Variants in ARHGEF18 observed in about 807,000 individuals in gnomAD.
The protein encoded by ARHGEF18 is Rho/Rac guanine nucleotide exchange factor 18.
Under a neutral mutation model 155.7 loss-of-function variants are expected in ARHGEF18, and 93 were observed. That is an observed-to-expected ratio of 0.60 (90% confidence interval 0.50 to 0.71). The LOEUF is 0.71. ARHGEF18 is among the 30% of genes least tolerant of loss of function. The probability of loss-of-function intolerance (pLI) is 0.00; values close to 1 mark genes in which losing one functional copy is unlikely to be tolerated. For synonymous variants in ARHGEF18, 742 were observed against 753.1 expected (o/e 0.99, Z 0.24); for missense variants, 1,593 against 1,816.1 (o/e 0.88, Z 2.23).
chr19:7,456,284 C>T lies in ARHGEF18; in HGVS notation c.2105-43C>T, dbSNP rs115211558. 3.4e-3 allele frequency: 5,456 copies of T among 1,594,640 alleles called. 155 individuals are homozygous for T. In the African/African-American group the frequency reaches 0.064, roughly 19 times the overall value. On this transcript the variant is annotated intron_variant, in intron 17 of 28. Transcript: ENST00000668164. ...GGGGGTGGCCAGCAAGACCTCCTGG[C>T]TATGGGACTTTTAAGATGCATCCTT... is the stretch of plus-strand genomic sequence containing the variant.
intron 2 of ARHGEF18, among the ~76,000 whole-genome samples, chr19:7,367,365 A>G (rs940701087): frequency 1.3e-5 from 2 of 152,088 alleles, no homozygotes; most frequent in Non-Finnish European, 2.9e-5. Flanking sequence ...GCACTTTGGG[A>G]GGCCGAGGTG....
rs537429456 is a variant in ARHGEF18 at position 7,367,977 on chromosome 19, A to AAGAGAGAGAG, written c.16-4820_16-4811dup. ...CTGGAAAGAAGGAAGAAAGGAAAGA[A>AAGAGAGAGAG]AGAGAGAGAGAGAGAGAGAGAGAGG... On this transcript the variant is annotated intron_variant, in intron 2 of 28. Transcript: ENST00000668164. 3.8e-3 allele frequency among the ~76,000 whole-genome samples: 252 copies of AAGAGAGAGAG among 66,774 alleles called. 4 individuals are homozygous for AAGAGAGAGAG. Among genetic ancestry groups the AAGAGAGAGAG allele is most frequent in the Middle Eastern group, 0.014 (2 of 138 alleles). The allele number at this position is 66,774 out of a possible 152,430, so 43.8% of individuals were successfully genotyped here.
At chr19:7,428,741 C>G (rs1031421147) in intron 10 of ARHGEF18, among the ~76,000 whole-genome samples, 1 of 152,082 alleles carries the variant, frequency 6.6e-6, no homozygotes, top group African/African-American at 2.4e-5. Context: ...AAAGAGATTA[C>G]CCTGGGCCCC....
rs1432420646 is a variant in ARHGEF18, at chr19:7,467,478, G to C, written c.3274G>C (p.Glu1092Gln). The C allele has an allele frequency of 6.8e-7, 1 of 1,469,666 alleles. No individual in the cohort carries two copies. Among genetic ancestry groups the C allele is most frequent in the Admixed American group, 2.6e-5 (1 of 39,168 alleles). 91.0% of individuals were successfully genotyped at this position (1,469,666 alleles called of 1,614,324 possible). ...TGCGGGCGCGCGGCTGCAGGAGCGC[G>C]AGGGCGAGGCGCGGCAGCTACGCGA... ...ERAGARLQER[E>Q]GEARQLRERL... Residue 1092 changes from glutamate (E) to glutamine (Q), a missense_variant, in exon 26 of 29, where the codon GAG becomes CAG. Coordinates refer to ENST00000668164, the MANE Select transcript of ARHGEF18 (RefSeq NM_001367823.1).
chr19:7,384,954 C>T (rs1469151539), intron 10 of ARHGEF18, among the ~76,000 whole-genome samples: 1 of 152,202 alleles, frequency 6.6e-6, no homozygotes, highest in Non-Finnish European at 1.5e-5. Flanking sequence ...CTCAGCCTCC[C>T]AAAGTGCTGG....
In ARHGEF18 at chr19:7,463,777, C is replaced by A; in HGVS notation, c.2636-41C>A. Reference sequence around the variant, plus strand: ...CGCTCCGTATTCCCCCAGCACACTTCCGCAGGGCGACCCGTGCCTCCTGTC... The same window carrying A: ...CGCTCCGTATTCCCCCAGCACACTTACGCAGGGCGACCCGTGCCTCCTGTC... On this transcript the variant is annotated intron_variant, in intron 21 of 28. Coordinates refer to ENST00000668164, the MANE Select transcript of ARHGEF18 (RefSeq NM_001367823.1). This position sits in a 1 kb window ranked among gnomAD's most constrained non-coding sequence, Gnocchi z 5.2. 6.4e-7 allele frequency: 1 copy of A among 1,564,704 alleles called. No homozygotes were observed. Among genetic ancestry groups the A allele is most frequent in the Non-Finnish European group, 8.7e-7 (1 of 1,154,106 alleles).
chr19:7,462,429 C>T lies in ARHGEF18; in HGVS notation c.2635+95C>T, dbSNP rs369980627. On this transcript the variant is annotated intron_variant, in intron 21 of 28. Transcript: ENST00000668164. This position sits in a 1 kb window ranked among gnomAD's most constrained non-coding sequence, Gnocchi z 4.4. Reference sequence around the variant, plus strand: ...GGCTCACGGCTCATTGTGGCCGACACGGCACCCTGTCCAGGACAGGCTTCT... The same window carrying T: ...GGCTCACGGCTCATTGTGGCCGACATGGCACCCTGTCCAGGACAGGCTTCT... The T allele has an allele frequency of 1.9e-4, 265 of 1,367,764 alleles. 3 individuals are homozygous for T. In the East Asian group the frequency reaches 4.3e-3, roughly 22 times the overall value. The allele number at this position is 1,367,764 out of a possible 1,614,324, so 84.7% of individuals were successfully genotyped here. A position where few individuals can be genotyped will look rare whatever the true frequency, so the allele number is the denominator to read the frequency against.
chr19:7,431,078 A>G (rs2145723076), intron 10 of ARHGEF18, among the ~76,000 whole-genome samples: 1 of 151,870 alleles, frequency 6.6e-6, no homozygotes, highest in East Asian at 1.9e-4. Context: ...CACTCGAGAC[A>G]AGGAGGTTGA....
intron 2 of ARHGEF18, among the ~76,000 whole-genome samples, chr19:7,370,511 A>C (rs945695220): frequency 6.6e-6 from 1 of 152,006 alleles, no homozygotes; most frequent in Non-Finnish European, 1.5e-5. Flanking sequence ...ATAATAAATA[A>C]ATAAAATAAA....
chr19:7,355,804 C>A, intron 1 of ARHGEF18: 1 of 743,724 alleles, frequency 1.3e-6, no homozygotes, highest in Non-Finnish European at 1.6e-6. Flanking sequence ...GGCTGCAGTA[C>A]AGACTCTGCT....
Position 7,462,905 on chromosome 19 carries a change from C to T in ARHGEF18, c.2635+571C>T, listed in dbSNP as rs1343236273. On this transcript the variant is annotated intron_variant, in intron 21 of 28. Coordinates refer to ENST00000668164, the MANE Select transcript of ARHGEF18 (RefSeq NM_001367823.1). This position sits in a 1 kb window ranked among gnomAD's most constrained non-coding sequence, Gnocchi z 4.4. ...AGGCTGGAGTGCAGTGGCGTGATCT[C>T]GGCTCACTGCAACCTCCACCTCCTG... 1.4e-5 allele frequency among the ~76,000 whole-genome samples: 2 copies of T among 147,638 alleles called. No individual in the cohort carries two copies. The highest frequency in any genetic ancestry group is 2.5e-5 in the African/African-American group (1 of 39,606).
chr19:7,385,866 TCTCTCCCCCCTCC>T (rs1971005971), intron 10 of ARHGEF18, among the ~76,000 whole-genome samples: 3 of 82,146 alleles, frequency 3.7e-5, no homozygotes, highest in African/African-American at 2.3e-4. Flanking sequence ...TCTCTCTCTC[TCTCTCCCCCCTCC>T]CTCTCTCCCT....
At chr19:7,353,202 G>A (rs1029428719) in intron 1 of ARHGEF18, among the ~76,000 whole-genome samples, 1 of 151,864 alleles carries the variant, frequency 6.6e-6, no homozygotes, top group Non-Finnish European at 1.5e-5. Flanking sequence ...TTCCAAGCAA[G>A]GGTGGTTTTT....
chr19:7,381,220 A>G (rs868100422), intron 8 of ARHGEF18, among the ~76,000 whole-genome samples: 1 of 152,134 alleles, frequency 6.6e-6, no homozygotes, highest in African/African-American at 2.4e-5. Context: ...TTCTGACGGA[A>G]GAGTAGGAGT....
At chr19:7,459,014 G>A (rs1194942077) in intron 19 of ARHGEF18, among the ~76,000 whole-genome samples, 2 of 152,110 alleles carry the variant, frequency 1.3e-5, no homozygotes, top group Non-Finnish European at 2.9e-5. Context: ...ACCCCTCAGG[G>A]CCCAGAACCA....
At chr19:7,453,809 C>T in intron 17 of ARHGEF18, 94 bp downstream of exon 17, 1 of 1,423,206 alleles carries the variant, frequency 7.0e-7, no homozygotes, top group Non-Finnish European at 9.2e-7. Context: ...ATTAGTGGCA[C>T]CATCTTGTAT....
downstream of ARHGEF18, chr19:7,477,345 C>T (rs1228587316): frequency 4.5e-6 from 7 of 1,558,882 alleles, no homozygotes; most frequent in South Asian, 3.5e-5. Flanking sequence ...CAGTGCACGG[C>T]GTTGGCCAGG....
downstream of ARHGEF18, among the ~76,000 whole-genome samples, chr19:7,475,186 C>T (rs1032615171): frequency 1.3e-5 from 2 of 152,124 alleles, no homozygotes; most frequent in African/African-American, 2.4e-5. Context: ...GAGCCGAGAT[C>T]GCGCCACCGC....
At chr19:7,450,955 G>T (rs796627592) in intron 15 of ARHGEF18, among the ~76,000 whole-genome samples, 194 bp from the exon 16 acceptor site, 3 of 1,186 alleles carry the variant, frequency 2.5e-3, no homozygotes, top group East Asian at 0.023. Flanking sequence ...ATGTTAATGC[G>T]GGATCTTGCT....
Sources: gnomAD v4.1 joint callset for allele counts (sites outside exome capture counted in the v4.1 genomes callset) on GRCh38, gnomAD v4.1.1 for gene constraint, Gnocchi (gnomAD v3.1) non-coding constraint, MANE v1.5 for transcripts, NCBI Gene and HGNC (gene_info 2026-07-23, HGNC 2026-07-21) for gene names.